DZIP1: variants seen among roughly 807,000 people sequenced by gnomAD.
The protein encoded by DZIP1 is DAZ interacting zinc finger protein 1, also known as cilium assembly protein DZIP1.
In DZIP1, 97 loss-of-function variants were observed where a neutral mutation model predicts 107.6. That is an observed-to-expected ratio of 0.90 (90% confidence interval 0.77 to 1.07). DZIP1 has a LOEUF of 1.07. Ranked by LOEUF, DZIP1 falls within the 50% of genes least tolerant of loss-of-function variation. DZIP1 has a pLI of 0.00. For synonymous variants in DZIP1, 390 were observed against 386.4 expected (o/e 1.01, Z -0.11); for missense variants, 1,035 against 1,063.6 (o/e 0.97, Z 0.37).
intron 14 of DZIP1, among the ~76,000 whole-genome samples, chr13:95,600,586 T>C (rs546484966): frequency 6.8e-6 from 1 of 146,544 alleles, no homozygotes; most frequent in East Asian, 2.0e-4. Context: ...GATAGATAGA[T>C]AGATGATAGA....
At chr13:95,639,921 G>T (rs934824656) in intron 5 of DZIP1, among the ~76,000 whole-genome samples, 10 of 151,842 alleles carry the variant, frequency 6.6e-5, no homozygotes, top group Non-Finnish European at 1.3e-4. Flanking sequence ...ATACCTCAGG[G>T]TTGTCTACCC....
intron 22 of DZIP1, among the ~76,000 whole-genome samples, chr13:95,582,596 C>T (rs1278621236): frequency 6.6e-6 from 1 of 152,192 alleles, no homozygotes; most frequent in Non-Finnish European, 1.5e-5. Flanking sequence ...CCCACTCCTT[C>T]CCCAGCATTC....
At chr13:95,619,843 TA>T in intron 10 of DZIP1, 41 bp downstream of exon 10, 2 of 1,584,164 alleles carry the variant, frequency 1.3e-6, no homozygotes, top group Non-Finnish European at 1.7e-6. Flanking sequence ...AATATTTCTT[TA>T]AAAAATGGCC....
chr13:95,586,215 A>G (rs896829745), intron 20 of DZIP1, 79 bp from the exon 21 acceptor site: 3 of 1,244,390 alleles, frequency 2.4e-6, no homozygotes, highest in African/African-American at 3.1e-5. Flanking sequence ...ACCTTACAGG[A>G]AACTTTGAAA....
At position 95,641,135 on chromosome 13, in the gene DZIP1, C is replaced by T. The variant is rs762503561; in HGVS notation, c.597+160G>A. Among the ~76,000 whole-genome samples the T allele has an allele frequency of 6.6e-6, 1 of 152,146 alleles. No individual in the cohort carries two copies. Among genetic ancestry groups the T allele is most frequent in the Non-Finnish European group, 1.5e-5 (1 of 68,034 alleles). On this transcript the variant is annotated intron_variant, in intron 5 of 22. Transcript: ENST00000376829. This position sits in a 1 kb window ranked among gnomAD's most constrained non-coding sequence, Gnocchi z 4.3. ...GTCTGCAGAAGGTAATGAACCATGACATTTGTTGGTTAAATGACTGTTTTT... is the reference window on the plus strand; with the variant it reads ...GTCTGCAGAAGGTAATGAACCATGATATTTGTTGGTTAAATGACTGTTTTT...
chr13:95,626,085 T>C (rs1566417262), intron 7 of DZIP1, among the ~76,000 whole-genome samples: 1 of 152,120 alleles, frequency 6.6e-6, no homozygotes. Flanking sequence ...TGAGCTGTGA[T>C]TGTGCCACTG....
chr13:95,627,552 T>G (rs1225320879), intron 7 of DZIP1, among the ~76,000 whole-genome samples: 1 of 152,210 alleles, frequency 6.6e-6, no homozygotes, highest in Admixed American at 6.5e-5. Flanking sequence ...TATCATTGGT[T>G]GTTAAGGAAA....
chr13:95,629,277 G>A (rs1233055844), intron 7 of DZIP1, among the ~76,000 whole-genome samples: 6 of 152,210 alleles, frequency 3.9e-5, no homozygotes, highest in African/African-American at 1.2e-4. Flanking sequence ...TGGTACCCAC[G>A]GTGTACCCAC....
intron 11 of DZIP1, among the ~76,000 whole-genome samples, 192 bp from the exon 12 acceptor site, chr13:95,611,685 T>G (rs575457239): frequency 1.3e-5 from 2 of 152,282 alleles, no homozygotes; most frequent in Admixed American, 1.3e-4. Flanking sequence ...AATATATTCA[T>G]GTAAAAAACC....
chr13:95,601,981 T>G (rs1180633327), intron 14 of DZIP1, among the ~76,000 whole-genome samples: 2 of 152,026 alleles, frequency 1.3e-5, no homozygotes, highest in African/African-American at 4.8e-5. Context: ...CACCCACAAC[T>G]GGTCTCCCCA....
intron 9 of DZIP1, among the ~76,000 whole-genome samples, chr13:95,621,677 T>TGTGTGC (rs1875873636): frequency 6.9e-6 from 1 of 144,876 alleles, no homozygotes; most frequent in South Asian, 2.3e-4. Context: ...TGTGTGTGTG[T>TGTGTGC]GTGTGTGTGT....
At chr13:95,597,168 G>A (rs2044479018) in intron 15 of DZIP1, among the ~76,000 whole-genome samples, 1 of 152,232 alleles carries the variant, frequency 6.6e-6, no homozygotes, top group African/African-American at 2.4e-5. Flanking sequence ...CAGGCAGAGG[G>A]ATGCAGTGAG....
At chr13:95,583,073 C>T (rs2044053937) in intron 22 of DZIP1, among the ~76,000 whole-genome samples, 1 of 152,032 alleles carries the variant, frequency 6.6e-6, no homozygotes, top group Non-Finnish European at 1.5e-5. Context: ...TCTTATCTTA[C>T]AAAGGGGCGA....
chr13:95,597,594 C>T (rs2044493477), intron 15 of DZIP1, among the ~76,000 whole-genome samples: 2 of 152,144 alleles, frequency 1.3e-5, no homozygotes, highest in African/African-American at 4.8e-5. Context: ...CTACATAAAG[C>T]AAAGAAGGCA....
At chr13:95,629,877 A>T (rs1210467220) in intron 7 of DZIP1, 112 bp downstream of exon 7, 4 of 1,128,316 alleles carry the variant, frequency 3.5e-6, no homozygotes, top group Non-Finnish European at 4.8e-6. Context: ...AAATGCAATC[A>T]TCTTGTCAAA....
At chr13:95,587,203 C>T (rs1041916796) in intron 20 of DZIP1, among the ~76,000 whole-genome samples, 4 of 152,174 alleles carry the variant, frequency 2.6e-5, no homozygotes, top group African/African-American at 9.6e-5. Context: ...CCCTCCCTGG[C>T]AGCCCTCACA....
chr13:95,621,654 G>A (rs995986354), intron 9 of DZIP1, among the ~76,000 whole-genome samples: 1 of 147,164 alleles, frequency 6.8e-6, no homozygotes, highest in African/African-American at 2.5e-5. Context: ...ATCATCAGCT[G>A]ACCAGTTAGC....
intron 7 of DZIP1, among the ~76,000 whole-genome samples, chr13:95,625,698 G>A (rs1190328638): frequency 6.6e-6 from 1 of 152,130 alleles, no homozygotes; most frequent in East Asian, 1.9e-4. Context: ...AATGGGTTAA[G>A]GAAAAACTCA....
In DZIP1 at chr13:95,641,467, A is replaced by T; in HGVS notation, c.425T>A (p.Leu142Gln). Residue 142 changes from leucine (L) to glutamine (Q), a missense_variant, in exon 5 of 23, where the codon CTG becomes CAG. Physicochemically the swap from Leu to Gln is moderately radical, Grantham distance 113 (BLOSUM62 -2). Transcript: ENST00000376829. The surrounding 1 kb of genome is among the most constrained non-coding windows in gnomAD (Gnocchi z 4.3). ...LHSQEFLTSQ[L>Q]HTLEERLRLS... ...GCGCAGCCGCTCCTCCAGGGTGTGC[A>T]GCTGCGAGGTGAGGAACTCTTGTGA... 6.2e-7 allele frequency: 1 copy of T among 1,614,132 alleles called. No individual in the cohort carries two copies. Among genetic ancestry groups the T allele is most frequent in the Non-Finnish European group, 8.5e-7 (1 of 1,180,022 alleles).
Sources: allele counts gnomAD v4.1 joint callset (sites outside exome capture counted in the v4.1 genomes callset), GRCh38; gene constraint gnomAD v4.1.1; non-coding constraint Gnocchi (gnomAD v3.1); transcripts MANE v1.5; gene names NCBI Gene and HGNC (gene_info 2026-07-23, HGNC 2026-07-21).